The following ACCSL variants were observed in gnomAD, a reference collection of about 807,000 sequenced individuals.
ACCSL encodes probable inactive 1-aminocyclopropane-1-carboxylate synthase-like protein 2.
ACCSL carries 55 observed loss-of-function variants against 61.7 expected under a neutral mutation model. The ratio of observed to expected loss-of-function variants is 0.89; its 90% CI spans 0.72 to 1.12. The LOEUF (loss-of-function observed/expected upper bound fraction) is 1.12. Ranked by LOEUF, ACCSL falls within the 50% of genes most tolerant of loss-of-function variation. The pLI is 0.00. For synonymous variants in ACCSL, 258 were observed against 264.3 expected (o/e 0.98, Z 0.23); for missense variants, 632 against 698.0 (o/e 0.91, Z 1.07).
At chr11:43,994,714 C>G in the ACCSL span, among the ~76,000 whole-genome samples, 3 of 152,086 alleles carry the variant, frequency 2.0e-5, no homozygotes, top group Non-Finnish European at 4.4e-5. Context: ...CTAACTGCAG[C>G]CTCAACTTCC....
At chr11:43,945,268 C>T in the ACCSL span, 1 of 152,232 alleles carries the variant, frequency 6.6e-6, no homozygotes, top group Non-Finnish European at 1.5e-5. Flanking sequence ...TGCTTTATTC[C>T]AGCCAGGGCA....
chr11:44,004,274 G>T, the ACCSL span, among the ~76,000 whole-genome samples: 4 of 151,990 alleles, frequency 2.6e-5, no homozygotes, highest in African/African-American at 9.7e-5. Context: ...GGGCAGTCAC[G>T]AGCTTGAGTC....
At chr11:43,929,066 G>A in the ACCSL span, among the ~76,000 whole-genome samples, 2 of 152,194 alleles carry the variant, frequency 1.3e-5, no homozygotes, top group East Asian at 3.9e-4. Context: ...CATGGCCTTT[G>A]GCAAATTCTT....
At chr11:44,005,071 G>A in the ACCSL span, among the ~76,000 whole-genome samples, 13 of 14,984 alleles carry the variant, frequency 8.7e-4, no homozygotes, top group South Asian at 0.014. Context: ...CTTCTCCCCC[G>A]TGCCAGTCTG....
chr11:43,964,084 A>G, the ACCSL span, among the ~76,000 whole-genome samples: 121 of 151,912 alleles, frequency 8.0e-4, no homozygotes, highest in African/African-American at 2.9e-3. Context: ...AAAAAAAACA[A>G]TTAATTATAG....
At chr11:43,992,155 G>A in the ACCSL span, among the ~76,000 whole-genome samples, 1 of 150,676 alleles carries the variant, frequency 6.6e-6, no homozygotes, top group Non-Finnish European at 1.5e-5. Flanking sequence ...GGGCCCAAGG[G>A]ATCCTCCCAC....
the ACCSL span, among the ~76,000 whole-genome samples, chr11:44,017,451 A>G: frequency 6.6e-6 from 1 of 152,212 alleles, no homozygotes; most frequent in African/African-American, 2.4e-5. Context: ...AAGTGCTGGC[A>G]TAGAGGAATG....
chr11:43,944,495 T>C, the ACCSL span: 98,062 of 153,076 alleles, frequency 0.64, 31,680 homozygotes, highest in East Asian at 0.82. Flanking sequence ...TTCTCTGCGC[T>C]CCGCAGGGTT....
At chr11:44,039,676 C>T in the ACCSL span, among the ~76,000 whole-genome samples, 3 of 152,230 alleles carry the variant, frequency 2.0e-5, no homozygotes, top group South Asian at 2.1e-4. Flanking sequence ...ATAAAATGCA[C>T]ATTCCTGGGT....
intron 6 of ACCSL, 34 bp downstream of exon 6, chr11:44,052,793 C>G: frequency 6.3e-7 from 1 of 1,584,716 alleles, no homozygotes; most frequent in South Asian, 1.1e-5. Context: ...CTCAGTATGC[C>G]TAGACAATGG....
At chr11:44,001,817 GT>G in the ACCSL span, among the ~76,000 whole-genome samples, 10 of 133,440 alleles carry the variant, frequency 7.5e-5, no homozygotes, top group Middle Eastern at 4.2e-3. Flanking sequence ...GTGTGTGTGT[GT>G]GTGTGTGTGT....
At chr11:43,943,412 C>G in the ACCSL span, 18 of 1,434,046 alleles carry the variant, frequency 1.3e-5, no homozygotes, top group East Asian at 5.5e-4. This position sits in a 1 kb window ranked among gnomAD's most constrained non-coding sequence, Gnocchi z 4.8. Flanking sequence ...CTCGGACTCC[C>G]GCCCCGCTGC....
chr11:43,943,001 G>T, the ACCSL span: 6 of 1,505,092 alleles, frequency 4.0e-6, no homozygotes, highest in Admixed American at 6.6e-5. This position sits in a 1 kb window ranked among gnomAD's most constrained non-coding sequence, Gnocchi z 4.8. Flanking sequence ...CCCGCAGCCC[G>T]TGCGGCCCGC....
At chr11:43,992,326 C>T in the ACCSL span, among the ~76,000 whole-genome samples, 3 of 152,174 alleles carry the variant, frequency 2.0e-5, no homozygotes, top group Non-Finnish European at 4.4e-5. Flanking sequence ...GGATTACAGG[C>T]GTGAGCCACC....
At chr11:44,052,415 G>C (rs889720048) in intron 5 of ACCSL, among the ~76,000 whole-genome samples, 1 of 152,244 alleles carries the variant, frequency 6.6e-6, no homozygotes, top group African/African-American at 2.4e-5. Flanking sequence ...GAGTTACTCA[G>C]TGATATTCTT....
At position 44,055,278 on chromosome 11, in the gene ACCSL, C is replaced by G. The variant is rs748345380; in HGVS notation, c.1126C>G (p.Leu376Val). 6.2e-6 allele frequency: 10 copies of G among 1,612,556 alleles called. No homozygotes were observed. The African/African-American group carries it at 9.3e-5, about 15-fold the overall frequency. The change falls in exon 9 of 14, where the codon CTG becomes GTG. Residue 376 changes from leucine (L) to valine (V), a missense_variant. Coordinates refer to ENST00000378832, the MANE Select transcript of ACCSL (RefSeq NM_001031854.2). ...TGAATCCATCACATTCCACAGCATT[C>G]TGAGCATGAAAAGGTGAGCTGGTCT... is the stretch of plus-strand genomic sequence containing the variant. The part of the protein sequence containing the change: ...FDESITFHSI[L>V]SMKSLPDSNR...
chr11:44,049,004 C>T (rs974595869), intron 1 of ACCSL, among the ~76,000 whole-genome samples: 8 of 152,082 alleles, frequency 5.3e-5, no homozygotes, highest in Middle Eastern at 3.2e-3. Flanking sequence ...GAACAGCACA[C>T]GTGAAACCTT....
intron 1 of ACCSL, among the ~76,000 whole-genome samples, chr11:44,049,093 G>A (rs1952618960): frequency 6.6e-6 from 1 of 152,116 alleles, no homozygotes. Context: ...GTGGCAGGAG[G>A]TGTGAACAGA....
At chr11:43,934,438 C>A in the ACCSL span, among the ~76,000 whole-genome samples, 1 of 152,166 alleles carries the variant, frequency 6.6e-6, no homozygotes, top group Non-Finnish European at 1.5e-5. Context: ...TGTCCCCACC[C>A]CTTATGCCAC....
Sources: allele counts gnomAD v4.1 joint callset (sites outside exome capture counted in the v4.1 genomes callset), GRCh38; gene constraint gnomAD v4.1.1; non-coding constraint Gnocchi (gnomAD v3.1); transcripts MANE v1.5; gene names NCBI Gene and HGNC (gene_info 2026-07-23, HGNC 2026-07-21).